CCDC60: variants seen among roughly 807,000 people sequenced by gnomAD.
CCDC60 encodes coiled-coil domain containing 60.
In CCDC60, 54 loss-of-function variants were observed where a neutral mutation model predicts 63.5. The ratio of observed to expected loss-of-function variants is 0.85; its 90% confidence interval spans 0.68 to 1.07. The LOEUF (loss-of-function observed/expected upper bound fraction) is 1.07. Among genes scored for constraint, CCDC60 ranks in the 50% least tolerant of loss-of-function variants. The pLI is 0.00. For missense variants in CCDC60, 651 were observed against 684.3 expected (o/e 0.95, Z 0.54); for synonymous variants, 206 against 238.8 (o/e 0.86, Z 1.27).
rs58807073 is a variant in CCDC60 at position 119,425,447 on chromosome 12, G to C, written c.91-3236G>C. Among the ~76,000 whole-genome samples the C allele has an allele frequency of 2.6e-3, 394 of 152,264 alleles. 1 individual carries two copies. Among genetic ancestry groups the C allele is most frequent in the African/African-American group, 8.9e-3 (368 of 41,554 alleles). ...TAAAAGAAGTCTCAGTCTCTTAGCT[G>C]TTTTGCCACTCCCAAGAGAGGGATG... is the stretch of plus-strand genomic sequence containing the variant. On this transcript the variant is annotated intron_variant, in intron 1 of 13. Transcript: ENST00000327554.
chr12:119,540,539 C>A, intron 13 of CCDC60, 75 bp from the exon 14 acceptor site: 1 of 1,027,070 alleles, frequency 9.7e-7, no homozygotes. Flanking sequence ...CTTCCAGGAT[C>A]TTGAGGGGAG....
intron 2 of CCDC60, among the ~76,000 whole-genome samples, chr12:119,438,417 A>G (rs773167225): frequency 1.3e-5 from 2 of 152,216 alleles, no homozygotes; most frequent in Non-Finnish European, 2.9e-5. Flanking sequence ...CAATGTGCTC[A>G]GTTTTATAGC....
intron 2 of CCDC60, among the ~76,000 whole-genome samples, chr12:119,447,097 G>A (rs1002299801): frequency 6.6e-6 from 1 of 152,192 alleles, no homozygotes; most frequent in Non-Finnish European, 1.5e-5. Context: ...CTGGAAGAAA[G>A]GAAGAGAGCT....
intron 2 of CCDC60, among the ~76,000 whole-genome samples, chr12:119,464,536 G>A (rs1387223178): frequency 6.6e-6 from 1 of 151,958 alleles, no homozygotes; most frequent in Non-Finnish European, 1.5e-5. Flanking sequence ...CAGCTGAATA[G>A]ACCCTCTCTT....
At chr12:119,398,371 G>A (rs1460345072) in intron 1 of CCDC60, among the ~76,000 whole-genome samples, 1 of 152,142 alleles carries the variant, frequency 6.6e-6, no homozygotes, top group African/African-American at 2.4e-5. Context: ...CGGAACTCGT[G>A]CTGGCCTGGG....
intron 5 of CCDC60, among the ~76,000 whole-genome samples, chr12:119,498,981 AG>A (rs1951780227): frequency 6.6e-6 from 1 of 152,240 alleles, no homozygotes; most frequent in South Asian, 2.1e-4. Flanking sequence ...CGAAGTTGGC[AG>A]CAAAATTGGA....
In CCDC60 at chr12:119,473,806, C is replaced by A. The variant is rs368035295; in HGVS notation, c.341+1642C>A. Among the ~76,000 whole-genome samples, 4 of 152,248 alleles carry A rather than the reference C, an allele frequency of 2.6e-5. No individual in the cohort carries two copies. The South Asian group carries it at 8.3e-4, about 32-fold the overall frequency. On this transcript the variant is annotated intron_variant, in intron 3 of 13. Transcript: ENST00000327554. ...TATTTTGTTTCTTTTTATGGCTGAG[C>A]AGTATTCCATGGTGTATATATATAT...
chr12:119,529,318 ACC>A (rs1352165309), intron 12 of CCDC60, among the ~76,000 whole-genome samples: 2 of 152,212 alleles, frequency 1.3e-5, no homozygotes, highest in East Asian at 1.9e-4. Context: ...ATACATATTA[ACC>A]CCCATTTCAC....
intron 7 of CCDC60, among the ~76,000 whole-genome samples, chr12:119,514,340 C>CT (rs1394120362): frequency 2.8e-5 from 3 of 108,474 alleles, no homozygotes; most frequent in Admixed American, 1.1e-4. Context: ...CCACATCTGG[C>CT]TATTTTTTTT....
chr12:119,478,926 C>T (rs1951239007), intron 3 of CCDC60, among the ~76,000 whole-genome samples, 168 bp from the exon 4 acceptor site: 1 of 152,138 alleles, frequency 6.6e-6, no homozygotes, highest in South Asian at 2.1e-4. Context: ...CTTTTATATG[C>T]TTTGTTAAGG....
At chr12:119,369,833 GT>G (rs1955880265) in intron 1 of CCDC60, among the ~76,000 whole-genome samples, 1 of 152,166 alleles carries the variant, frequency 6.6e-6, no homozygotes, top group Non-Finnish European at 1.5e-5. Flanking sequence ...CCAGTAAATG[GT>G]TGTTGAATGA....
chr12:119,421,843 C>G (rs1956818306), intron 1 of CCDC60, among the ~76,000 whole-genome samples: 1 of 152,200 alleles, frequency 6.6e-6, no homozygotes, highest in Non-Finnish European at 1.5e-5. Context: ...TCTCAGCTGT[C>G]AGGTTAAACC....
At chr12:119,528,564 A>G (rs369832569) in intron 11 of CCDC60, 51 bp from the exon 12 acceptor site, 9 of 1,579,744 alleles carry the variant, frequency 5.7e-6, no homozygotes, top group Non-Finnish European at 7.8e-6. Context: ...TAAGATGGTT[A>G]CAGGAGGAGG....
intron 2 of CCDC60, among the ~76,000 whole-genome samples, chr12:119,443,329 C>T (rs775208031): frequency 7.2e-5 from 11 of 152,128 alleles, no homozygotes; most frequent in Admixed American, 3.9e-4. Context: ...TTGTCTGGGT[C>T]TTCTCTGTCA....
chr12:119,450,321 G>C (rs1302469332), intron 2 of CCDC60, among the ~76,000 whole-genome samples: 1 of 152,214 alleles, frequency 6.6e-6, no homozygotes, highest in Non-Finnish European at 1.5e-5. Flanking sequence ...GCATTATTCA[G>C]TGATGGCTAC....
chr12:119,461,666 C>G (rs1566022296), intron 2 of CCDC60, among the ~76,000 whole-genome samples: 1 of 152,162 alleles, frequency 6.6e-6, no homozygotes, highest in African/African-American at 2.4e-5. Flanking sequence ...CCTCCTCTTG[C>G]CTGATGCAGT....
At position 119,482,620 on chromosome 12, in the gene CCDC60, G is replaced by C. The variant is rs76219551; in HGVS notation, c.449+3419G>C. 2.8e-3 allele frequency among the ~76,000 whole-genome samples: 420 copies of C among 152,286 alleles called. 1 individual carries two copies. Among genetic ancestry groups the C allele is most frequent in the Non-Finnish European group, 5.1e-3 (349 of 68,030 alleles). Reference sequence around the variant, plus strand: ...AGGCTGCCTTTTCTTATCCTCAGCTGTTCAAAGGCTCTGGCTGCATTTGAT... The same window carrying C: ...AGGCTGCCTTTTCTTATCCTCAGCTCTTCAAAGGCTCTGGCTGCATTTGAT... On this transcript the variant is annotated intron_variant, in intron 4 of 13. Transcript: ENST00000327554.
chr12:119,378,993 G>A (rs1280532148), intron 1 of CCDC60, among the ~76,000 whole-genome samples: 1 of 152,210 alleles, frequency 6.6e-6, no homozygotes, highest in Admixed American at 6.5e-5. Context: ...AAGAGGGCAA[G>A]GTCATCAGAC....
At chr12:119,502,248 A>C (rs1478227134) in intron 6 of CCDC60, among the ~76,000 whole-genome samples, 3 of 152,198 alleles carry the variant, frequency 2.0e-5, no homozygotes, top group Non-Finnish European at 4.4e-5. Context: ...TTTCAAAAGA[A>C]ACAAAAAACT....
Sources: allele counts gnomAD v4.1 joint callset (sites outside exome capture counted in the v4.1 genomes callset), GRCh38; gene constraint gnomAD v4.1.1; transcripts MANE v1.5; gene names NCBI Gene and HGNC (gene_info 2026-07-23, HGNC 2026-07-21).